Variants in DYNC1I2 observed in about 807,000 individuals in gnomAD.
DYNC1I2 encodes dynein cytoplasmic 1 intermediate chain 2, also known as cytoplasmic dynein 1 intermediate chain 2.
Under a neutral mutation model 88.6 loss-of-function variants are expected in DYNC1I2, and 53 were observed. That is an observed-to-expected ratio of 0.60 (90% CI 0.48 to 0.75). The LOEUF (loss-of-function observed/expected upper bound fraction) is 0.75. Among genes scored for constraint, DYNC1I2 ranks in the 30% least tolerant of loss-of-function variants. The probability of loss-of-function intolerance (pLI) is 0.00; values close to 1 mark genes in which losing one functional copy is unlikely to be tolerated. For missense variants in DYNC1I2, 458 were observed against 766.6 expected, an observed-to-expected ratio of 0.60 and a Z score of 4.75; for synonymous variants, 198 against 254.6, an observed-to-expected ratio of 0.78 and a Z score of 2.12.
chr2:171,725,067 G>C lies in DYNC1I2; in HGVS notation c.512-551G>C, dbSNP rs1214292577. On this transcript the variant is annotated intron_variant, in intron 7 of 17. Coordinates refer to ENST00000397119, the MANE Select transcript of DYNC1I2 (RefSeq NM_001378.3). ...CTTATAGCTATTATCTTCAAAATCT[G>C]CCTCTCAAATAGCAACCTGAGAGTT... is the stretch of plus-strand genomic sequence containing the variant. Among the ~76,000 whole-genome samples the C allele has an allele frequency of 3.3e-5, 5 of 152,128 alleles. 1 individual carries two copies. The highest frequency in any genetic ancestry group is 1.2e-4 in the African/African-American group (5 of 41,432).
At chr2:171,742,122 A>G (rs534049394) in intron 15 of DYNC1I2, among the ~76,000 whole-genome samples, 1 of 151,680 alleles carries the variant, frequency 6.6e-6, no homozygotes, top group East Asian at 1.9e-4. Flanking sequence ...TCTGTGATAC[A>G]TTTAATTTTT....
intron 2 of DYNC1I2, 138 bp downstream of exon 2, chr2:171,690,401 C>T (rs745847527): frequency 3.4e-6 from 2 of 593,176 alleles, no homozygotes; most frequent in South Asian, 2.7e-5. Flanking sequence ...TGCTTTTGCA[C>T]AAACCTAATA....
intron 15 of DYNC1I2, among the ~76,000 whole-genome samples, chr2:171,740,122 C>T (rs893518120): frequency 1.3e-5 from 2 of 152,028 alleles, no homozygotes; most frequent in African/African-American, 2.4e-5. Context: ...CAAGTTGGTC[C>T]TGTAGGGTTT....
intron 4 of DYNC1I2, chr2:171,706,940 A>G: frequency 2.3e-6 from 1 of 426,954 alleles, no homozygotes; most frequent in Non-Finnish European, 4.1e-6. Context: ...TAAAAGTGAA[A>G]AGTTACAAGG....
intron 3 of DYNC1I2, among the ~76,000 whole-genome samples, chr2:171,705,507 T>G (rs971807637): frequency 5.3e-5 from 8 of 152,234 alleles, no homozygotes; most frequent in Non-Finnish European, 8.8e-5. Context: ...TCTTTAAAAA[T>G]CTTGAAAACA....
intron 3 of DYNC1I2, among the ~76,000 whole-genome samples, chr2:171,702,488 A>G (rs1686335384): frequency 6.6e-6 from 1 of 152,156 alleles, no homozygotes; most frequent in Non-Finnish European, 1.5e-5. Context: ...TTGACAGTAA[A>G]CCACAGTAAA....
At chr2:171,707,176 A>T in intron 4 of DYNC1I2, 111 bp from the exon 5 acceptor site, 1 of 1,508,510 alleles carries the variant, frequency 6.6e-7, no homozygotes, top group Non-Finnish European at 9.0e-7. Flanking sequence ...TTGGTTTGCC[A>T]TTGTTTTTTT....
intron 5 of DYNC1I2, among the ~76,000 whole-genome samples, chr2:171,707,823 T>C (rs1160903102): frequency 2.0e-5 from 3 of 152,154 alleles, no homozygotes; most frequent in Non-Finnish European, 4.4e-5. Context: ...GTTCTGCTAA[T>C]TAAGATAGAG....
At chr2:171,689,700 T>C (rs1685237468) in intron 1 of DYNC1I2, among the ~76,000 whole-genome samples, 1 of 151,848 alleles carries the variant, frequency 6.6e-6, no homozygotes. Flanking sequence ...ATAATATATA[T>C]GCTTCCTTTA....
chr2:171,690,647 G>GT (rs1685331090), intron 2 of DYNC1I2, among the ~76,000 whole-genome samples: 1 of 141,836 alleles, frequency 7.1e-6, no homozygotes. Flanking sequence ...ATTTTTTTTT[G>GT]TTTTGGGTTT....
intron 3 of DYNC1I2, among the ~76,000 whole-genome samples, chr2:171,694,938 A>T (rs1250288504): frequency 6.6e-6 from 1 of 152,118 alleles, no homozygotes; most frequent in African/African-American, 2.4e-5. Flanking sequence ...TTTGGAGGGG[A>T]TGTCCAAACT....
intron 1 of DYNC1I2, among the ~76,000 whole-genome samples, chr2:171,689,882 C>CTTTTTTTTTTTTTT (rs10716223): frequency 1.8e-5 from 1 of 54,156 alleles, no homozygotes; most frequent in Non-Finnish European, 3.3e-5. Context: ...TTTTTCTTGC[C>CTTTTTTTTTTTTTT]TTTTTTTTTT....
At chr2:171,707,517 T>G in intron 5 of DYNC1I2, 140 bp downstream of exon 5, 2 of 627,264 alleles carry the variant, frequency 3.2e-6, no homozygotes, top group South Asian at 5.6e-5. Flanking sequence ...AGAAATTCTC[T>G]GTTGGACACT....
intron 5 of DYNC1I2, among the ~76,000 whole-genome samples, chr2:171,710,755 TGCAATG>T: frequency 6.7e-6 from 1 of 149,938 alleles, no homozygotes; most frequent in East Asian, 2.0e-4. Context: ...CGGGCTGGGG[TGCAATG>T]GCGTGATCTC....
At chr2:171,701,244 G>A (rs1488515641) in intron 3 of DYNC1I2, among the ~76,000 whole-genome samples, 1 of 152,064 alleles carries the variant, frequency 6.6e-6, no homozygotes, top group Non-Finnish European at 1.5e-5. Flanking sequence ...GGAGTGCAGT[G>A]GCACGATCTC....
At chr2:171,698,395 T>A (rs1685944087) in intron 3 of DYNC1I2, among the ~76,000 whole-genome samples, 1 of 152,158 alleles carries the variant, frequency 6.6e-6, no homozygotes, top group Admixed American at 6.5e-5. Flanking sequence ...CTCTTTTTTT[T>A]ATTTTTTGAG....
chr2:171,696,250 T>A (rs751962552), intron 3 of DYNC1I2, among the ~76,000 whole-genome samples: 1 of 152,202 alleles, frequency 6.6e-6, no homozygotes, highest in Non-Finnish European at 1.5e-5. Context: ...AGGCTAAGTA[T>A]TCCTAATCCA....
At chr2:171,702,744 A>G (rs1385034720) in intron 3 of DYNC1I2, among the ~76,000 whole-genome samples, 1 of 148,952 alleles carries the variant, frequency 6.7e-6, no homozygotes, top group Non-Finnish European at 1.5e-5. Flanking sequence ...TTTTTTTTTT[A>G]AACAGTCTCA....
chr2:171,699,021 T>A (rs1281939312), intron 3 of DYNC1I2, among the ~76,000 whole-genome samples: 1 of 151,148 alleles, frequency 6.6e-6, no homozygotes, highest in Non-Finnish European at 1.5e-5. Flanking sequence ...AAAAATAGAT[T>A]AGCTAGGCTG....
Sources: gnomAD v4.1 joint callset for allele counts (sites outside exome capture counted in the v4.1 genomes callset) on GRCh38, gnomAD v4.1.1 for gene constraint, MANE v1.5 for transcripts, NCBI Gene and HGNC (gene_info 2026-07-23, HGNC 2026-07-21) for gene names.